The following SPMIP3 variants were observed in gnomAD, a reference collection of about 807,000 sequenced individuals.
SPMIP3 encodes the protein sperm microtubule inner protein 3.
At chr1:244,367,586 G>A in the SPMIP3 span, among the ~76,000 whole-genome samples, 1 of 152,172 alleles carries the variant, frequency 6.6e-6, no homozygotes, top group Non-Finnish European at 1.5e-5. Context: ...GGAGCCGTCA[G>A]TGTGCCCCCC....
chr1:244,386,030 AC>A, the SPMIP3 span, among the ~76,000 whole-genome samples: 12 of 151,682 alleles, frequency 7.9e-5, no homozygotes, highest in African/African-American at 2.7e-4. Context: ...ACACACACAC[AC>A]ACACACAAAT....
chr1:244,367,322 C>T, the SPMIP3 span, among the ~76,000 whole-genome samples: 1 of 152,152 alleles, frequency 6.6e-6, no homozygotes, highest in South Asian at 2.1e-4. Flanking sequence ...TTTTATGAAG[C>T]TCACTCTGAG....
At chr1:244,388,394 G>A in the SPMIP3 span, among the ~76,000 whole-genome samples, 2 of 141,868 alleles carry the variant, frequency 1.4e-5, no homozygotes, top group South Asian at 2.2e-4. Flanking sequence ...CCCCCCAGAC[G>A]TACTCTCTAT....
At chr1:244,358,109 A>G in the SPMIP3 span, among the ~76,000 whole-genome samples, 1 of 152,014 alleles carries the variant, frequency 6.6e-6, no homozygotes, top group Non-Finnish European at 1.5e-5. Flanking sequence ...ACACGCCTGT[A>G]ATCCCAGCTG....
At chr1:244,363,479 G>C in the SPMIP3 span, among the ~76,000 whole-genome samples, 1 of 152,168 alleles carries the variant, frequency 6.6e-6, no homozygotes, top group Non-Finnish European at 1.5e-5. Context: ...TCTAGGGTCA[G>C]TGGGGAACAG....
the SPMIP3 span, among the ~76,000 whole-genome samples, chr1:244,381,201 T>TA: frequency 0.074 from 11,222 of 151,784 alleles, 475 homozygotes; most frequent in African/African-American, 0.097. Context: ...AGGAGGGGGC[T>TA]AAAAAGAAGA....
At chr1:244,375,720 A>C in the SPMIP3 span, among the ~76,000 whole-genome samples, 1 of 152,006 alleles carries the variant, frequency 6.6e-6, no homozygotes, top group African/African-American at 2.4e-5. Flanking sequence ...GCTGGAGTGC[A>C]GTGGCGAGAT....
the SPMIP3 span, among the ~76,000 whole-genome samples, chr1:244,360,067 C>A: frequency 6.6e-6 from 1 of 151,382 alleles, no homozygotes. Context: ...CAACATCGCA[C>A]CACTGCACTC....
the SPMIP3 span, among the ~76,000 whole-genome samples, chr1:244,381,359 G>A: frequency 1.3e-5 from 2 of 152,160 alleles, no homozygotes; most frequent in African/African-American, 4.8e-5. Context: ...ACCTTCAACA[G>A]GACCTTCTTT....
the SPMIP3 span, among the ~76,000 whole-genome samples, chr1:244,361,231 C>CCTTCTTTTT: frequency 3.5e-5 from 2 of 56,594 alleles, no homozygotes; most frequent in Non-Finnish European, 8.5e-5. Flanking sequence ...TTTTTTCTTT[C>CCTTCTTTTT]TTTCTTTTTT....
chr1:244,363,756 A>T, the SPMIP3 span, among the ~76,000 whole-genome samples: 16 of 152,250 alleles, frequency 1.1e-4, no homozygotes, highest in East Asian at 2.3e-3. Context: ...CTTCGCAACA[A>T]TTGCTTCTTG....
chr1:244,355,724 A>G, the SPMIP3 span, among the ~76,000 whole-genome samples: 2 of 152,178 alleles, frequency 1.3e-5, no homozygotes, highest in African/African-American at 4.8e-5. Flanking sequence ...ATATCTACAA[A>G]AAGTCCTGCT....
chr1:244,359,392 G>T, the SPMIP3 span, among the ~76,000 whole-genome samples: 1 of 152,124 alleles, frequency 6.6e-6, no homozygotes, highest in Admixed American at 6.6e-5. Context: ...TATATAAAAA[G>T]CTTAAACAAT....
chr1:244,370,074 C>T, the SPMIP3 span, among the ~76,000 whole-genome samples: 3 of 152,182 alleles, frequency 2.0e-5, no homozygotes, highest in Non-Finnish European at 4.4e-5. Flanking sequence ...GACTTTGGGG[C>T]TGCTTTTTGT....
At chr1:244,373,136 T>C in the SPMIP3 span, among the ~76,000 whole-genome samples, 39 of 151,830 alleles carry the variant, frequency 2.6e-4, 1 homozygote, top group South Asian at 7.7e-3. Flanking sequence ...ATCCCAGCAC[T>C]TCGGGAGGTC....
At chr1:244,356,945 C>T in the SPMIP3 span, among the ~76,000 whole-genome samples, 1 of 102,332 alleles carries the variant, frequency 9.8e-6, no homozygotes, top group African/African-American at 4.1e-5. Flanking sequence ...TTTTTTGAGA[C>T]AGGGTCTCAT....
At chr1:244,371,996 G>A in the SPMIP3 span, among the ~76,000 whole-genome samples, 6 of 152,178 alleles carry the variant, frequency 3.9e-5, no homozygotes, top group Admixed American at 3.9e-4. Context: ...CCCAGAGGTC[G>A]TCTTTGCACA....
chr1:244,384,415 G>A, the SPMIP3 span, among the ~76,000 whole-genome samples: 1 of 152,210 alleles, frequency 6.6e-6, no homozygotes, highest in Middle Eastern at 3.4e-3. Flanking sequence ...TGTTGCCCAG[G>A]CTGGTCTCAA....
At chr1:244,363,750 G>A in the SPMIP3 span, among the ~76,000 whole-genome samples, 4 of 152,164 alleles carry the variant, frequency 2.6e-5, no homozygotes, top group South Asian at 2.1e-4. Context: ...CACTGCCTTC[G>A]CAACAATTGC....
Sources: allele counts gnomAD v4.1 joint callset (sites outside exome capture counted in the v4.1 genomes callset), GRCh38; gene constraint gnomAD v4.1.1; transcripts MANE v1.5; gene names NCBI Gene and HGNC (gene_info 2026-07-23, HGNC 2026-07-21).